RAB27A: variants seen among roughly 807,000 people sequenced by gnomAD.
The protein encoded by RAB27A is RAB27A, member RAS oncogene family, also known as ras-related protein Rab-27A.
Under a neutral mutation model 20.8 loss-of-function variants are expected in RAB27A, and 17 were observed. The ratio of observed to expected loss-of-function variants is 0.82; its 90% CI spans 0.56 to 1.23. RAB27A has a LOEUF of 1.23. RAB27A is among the 50% of genes most tolerant of loss of function. RAB27A has a pLI of 0.00. For synonymous variants in RAB27A, 85 were observed against 92.8 expected, an observed-to-expected ratio of 0.92 and a Z score of 0.48; for missense variants, 277 against 266.7, an observed-to-expected ratio of 1.04 and a Z score of -0.27.
At chr15:55,248,856 G>A (rs181667503) in intron 2 of RAB27A, 208 of 152,154 alleles carry the variant, frequency 1.4e-3, no homozygotes, top group African/African-American at 4.9e-3. Context: ...TATTTGTCAA[G>A]TCTACTGTCT....
chr15:55,222,791 T>C (rs763133449), intron 6 of RAB27A, among the ~76,000 whole-genome samples: 16 of 152,142 alleles, frequency 1.1e-4, no homozygotes, highest in Non-Finnish European at 1.8e-4. Flanking sequence ...ATCTACACCA[T>C]CTCTATTTCC....
chr15:55,259,621 T>C lies in RAB27A; in HGVS notation c.-23+10544A>G, dbSNP rs534992607. Among the ~76,000 whole-genome samples the C allele has an allele frequency of 3.3e-5, 5 of 152,258 alleles. No homozygotes were observed. In the South Asian group the frequency reaches 1.0e-3, roughly 32 times the overall value. On this transcript the variant is annotated intron_variant, in intron 2 of 6. Transcript: ENST00000336787. ...TTATCTAAAGCAATAAAGATATTCT[T>C]TTATATTATGTTTATAAAGATACTG...
intron 6 of RAB27A, among the ~76,000 whole-genome samples, chr15:55,209,188 T>C (rs1894798443): frequency 6.6e-6 from 1 of 152,206 alleles, no homozygotes; most frequent in Non-Finnish European, 1.5e-5. Context: ...TACAATAGAT[T>C]GTTGTAAACT....
At chr15:55,235,591 A>G (rs1455106794) in intron 2 of RAB27A, among the ~76,000 whole-genome samples, 2 of 152,162 alleles carry the variant, frequency 1.3e-5, no homozygotes, top group African/African-American at 4.8e-5. Context: ...TATAGAACAA[A>G]AACTAATACA....
At chr15:55,285,683 T>C (rs369646705) in intron 1 of RAB27A, among the ~76,000 whole-genome samples, 4 of 152,288 alleles carry the variant, frequency 2.6e-5, no homozygotes, top group African/African-American at 9.6e-5. Flanking sequence ...ATTACTCTCT[T>C]CAAGAACCAA....
intron 3 of RAB27A, among the ~76,000 whole-genome samples, chr15:55,231,171 G>C (rs58387023): frequency 0.047 from 7,110 of 152,192 alleles, 596 homozygotes; most frequent in African/African-American, 0.16. Flanking sequence ...TGGCTGCATA[G>C]TATTCTATGA....
At chr15:55,240,231 A>G (rs981169823) in intron 2 of RAB27A, among the ~76,000 whole-genome samples, 22 of 152,320 alleles carry the variant, frequency 1.4e-4, no homozygotes, top group African/African-American at 5.3e-4. Flanking sequence ...ATTTCATTTC[A>G]GGAAGGAGTA....
At chr15:55,213,980 G>T (rs1389490326) in intron 6 of RAB27A, among the ~76,000 whole-genome samples, 3 of 152,216 alleles carry the variant, frequency 2.0e-5, no homozygotes, top group Non-Finnish European at 4.4e-5. Context: ...GTGCCAAAAA[G>T]GTTGGGGACC....
intron 2 of RAB27A, among the ~76,000 whole-genome samples, chr15:55,246,489 C>T (rs1414046671): frequency 1.3e-5 from 2 of 151,582 alleles, no homozygotes; most frequent in African/African-American, 4.9e-5. Context: ...GCCCAAGGCT[C>T]TTCCAGGATC....
chr15:55,232,302 T>C (rs890929414), intron 3 of RAB27A, among the ~76,000 whole-genome samples: 10 of 152,142 alleles, frequency 6.6e-5, no homozygotes, highest in Non-Finnish European at 1.2e-4. Context: ...CCCAGAAACA[T>C]AATTAAACAA....
chr15:55,317,205 C>G (rs2055051997), intron 1 of RAB27A: 1 of 152,132 alleles, frequency 6.6e-6, no homozygotes, highest in Admixed American at 6.5e-5. Flanking sequence ...AATCATTATC[C>G]ATGATTTATT....
Position 55,206,396 on chromosome 15 carries a change from C to A in RAB27A, c.468-691G>T, listed in dbSNP as rs138684865. 2.5e-3 allele frequency: 750 copies of A among 298,778 alleles called. 5 individuals are homozygous for A. The highest frequency in any genetic ancestry group is 0.016 in the African/African-American group (728 of 44,216). 18.5% of individuals were successfully genotyped at this position (298,778 alleles called of 1,614,324 possible). On this transcript the variant is annotated intron_variant, in intron 6 of 6. Transcript: ENST00000336787. ...TGAGACAGAGTCTCTATCACCCAGG[C>A]TGGAGTGCAGTGGCACGATCTCAGT...
At chr15:55,311,830 G>A (rs191301545) in intron 2 of RAB27A, among the ~76,000 whole-genome samples, 2 of 152,106 alleles carry the variant, frequency 1.3e-5, no homozygotes, top group Non-Finnish European at 2.9e-5. Context: ...TTCTGCCTTG[G>A]GGGGAACGTT....
At chr15:55,233,657 G>T (rs1343687091) in intron 3 of RAB27A, among the ~76,000 whole-genome samples, 1 of 152,136 alleles carries the variant, frequency 6.6e-6, no homozygotes, top group Non-Finnish European at 1.5e-5. Context: ...AGGGGAGGTA[G>T]AAAGAGGAAT....
intron 2 of RAB27A, among the ~76,000 whole-genome samples, chr15:55,313,718 A>G (rs2055030661): frequency 1.3e-5 from 2 of 152,196 alleles, no homozygotes. Context: ...CACTAAAAAT[A>G]CAAAAATTAC....
At chr15:55,239,531 G>A (rs1434875555) in intron 2 of RAB27A, among the ~76,000 whole-genome samples, 1 of 152,130 alleles carries the variant, frequency 6.6e-6, no homozygotes, top group African/African-American at 2.4e-5. Flanking sequence ...GTAAAGGATT[G>A]GGAGAAAGGA....
intron 6 of RAB27A, among the ~76,000 whole-genome samples, chr15:55,216,346 A>C (rs1895302621): frequency 6.6e-6 from 1 of 152,110 alleles, no homozygotes; most frequent in Non-Finnish European, 1.5e-5. Flanking sequence ...CAGCCTGGCC[A>C]ACATGGTGAA....
intron 6 of RAB27A, among the ~76,000 whole-genome samples, chr15:55,209,983 C>G (rs1417041258): frequency 9.0e-5 from 12 of 132,956 alleles, no homozygotes; most frequent in Non-Finnish European, 1.4e-4. Flanking sequence ...TGTACATGTA[C>G]ATATATACGC....
chr15:55,248,461 C>T (rs1896770141), intron 2 of RAB27A, among the ~76,000 whole-genome samples: 1 of 152,126 alleles, frequency 6.6e-6, no homozygotes, highest in South Asian at 2.1e-4. Flanking sequence ...GTGTTCAACC[C>T]TCCTCAATAA....
Sources: allele counts gnomAD v4.1 joint callset (sites outside exome capture counted in the v4.1 genomes callset), GRCh38; gene constraint gnomAD v4.1.1; transcripts MANE v1.5; gene names NCBI Gene and HGNC (gene_info 2026-07-23, HGNC 2026-07-21).